Variants in GTF3C1 observed in about 807,000 individuals in gnomAD.
The protein encoded by GTF3C1 is general transcription factor IIIC subunit 1.
In GTF3C1, 57 loss-of-function variants were observed where a neutral mutation model predicts 226.7. The ratio of observed to expected loss-of-function variants is 0.25; its 90% confidence interval spans 0.20 to 0.31. The LOEUF (loss-of-function observed/expected upper bound fraction) is 0.31. GTF3C1 is among the 10% of genes least tolerant of loss of function. GTF3C1 has a pLI of 1.00. For missense variants in GTF3C1, 2,217 were observed against 2,776.1 expected (o/e 0.80, Z 4.53); for synonymous variants, 1,090 against 1,084.8 (o/e 1.00, Z -0.09).
intron 29 of GTF3C1, among the ~76,000 whole-genome samples, chr16:27,473,220 T>C (rs1489005434): frequency 6.6e-6 from 1 of 152,226 alleles, no homozygotes; most frequent in Non-Finnish European, 1.5e-5. Context: ...ACTCTTGCTG[T>C]TGCCACCCCA....
At position 27,484,194 on chromosome 16, in the gene GTF3C1, G is replaced by A; in HGVS notation, c.4001+17C>T. On this transcript the variant is annotated intron_variant, in intron 25 of 36. Coordinates refer to ENST00000356183, the MANE Select transcript of GTF3C1 (RefSeq NM_001520.4). ...CGTAACCGTGTCCCGGAGTGACGGG[G>A]CTTCAATGAGGCTTACTTATAGTTG... 1 of 1,574,260 alleles carries A rather than the reference G, an allele frequency of 6.4e-7. No homozygotes were observed. The highest frequency in any genetic ancestry group is 1.7e-5 in the Admixed American group (1 of 59,892).
chr16:27,546,094 G>A (rs557229736), intron 1 of GTF3C1, among the ~76,000 whole-genome samples: 3 of 152,210 alleles, frequency 2.0e-5, no homozygotes, highest in East Asian at 3.9e-4. Context: ...TGATCCACCC[G>A]CCTCAGCTTC....
intron 9 of GTF3C1, among the ~76,000 whole-genome samples, 181 bp downstream of exon 9, chr16:27,506,666 G>A (rs1364765948): frequency 6.6e-6 from 1 of 152,176 alleles, no homozygotes; most frequent in Admixed American, 6.5e-5. Context: ...AAGCAGCCAG[G>A]AGATACCACA....
At chr16:27,546,486 G>GA (rs11406778) in intron 1 of GTF3C1, among the ~76,000 whole-genome samples, 64,305 of 112,266 alleles carry the variant, frequency 0.57, 17,026 homozygotes, top group Non-Finnish European at 0.59. Flanking sequence ...TTTTTTTTTT[G>GA]AAAAAAAAAA....
intron 11 of GTF3C1, among the ~76,000 whole-genome samples, chr16:27,501,584 G>C (rs944602205): frequency 6.6e-6 from 1 of 152,166 alleles, no homozygotes; most frequent in African/African-American, 2.4e-5. Context: ...GCCTTTCACC[G>C]GCAACTCAAG....
chr16:27,503,160 C>A (rs1322246170), intron 10 of GTF3C1, among the ~76,000 whole-genome samples, 165 bp from the exon 11 acceptor site: 1 of 152,188 alleles, frequency 6.6e-6, no homozygotes, highest in Admixed American at 6.5e-5. Flanking sequence ...CACTACTCTA[C>A]CATCTCAATG....
chr16:27,501,041 C>T (rs2088397240), intron 12 of GTF3C1, 150 bp downstream of exon 12: 2 of 652,050 alleles, frequency 3.1e-6, no homozygotes, highest in African/African-American at 1.8e-5. Flanking sequence ...TTCCAGCTAA[C>T]CCATATTCCC....
intron 6 of GTF3C1, among the ~76,000 whole-genome samples, chr16:27,512,598 T>G (rs1270029871): frequency 6.6e-6 from 1 of 152,212 alleles, no homozygotes; most frequent in Non-Finnish European, 1.5e-5. Flanking sequence ...TCACTTTCTG[T>G]GGACTAGTGT....
chr16:27,500,766 G>A (rs1288455882), intron 12 of GTF3C1, among the ~76,000 whole-genome samples: 4 of 152,196 alleles, frequency 2.6e-5, no homozygotes, highest in Admixed American at 6.5e-5. Flanking sequence ...TGCTCCCATC[G>A]GATAACCCGG....
intron 1 of GTF3C1, among the ~76,000 whole-genome samples, 179 bp downstream of exon 1, chr16:27,549,491 T>A (rs1291486517): frequency 6.6e-6 from 1 of 151,380 alleles, no homozygotes; most frequent in Non-Finnish European, 1.5e-5. Context: ...TCCATCGGAC[T>A]CCAGGGCCCT....
At chr16:27,533,446 T>C (rs1243184681) in intron 4 of GTF3C1, 59 bp from the exon 5 acceptor site, 4 of 846,194 alleles carry the variant, frequency 4.7e-6, no homozygotes, top group Non-Finnish European at 8.2e-6. Context: ...CAATATTTAC[T>C]GCCTGTTTCT....
rs1321399233 is a variant in GTF3C1 at position 27,538,401 on chromosome 16, T to C, written c.432-45A>G. ...GCATGAAGAAATAAGTTTAACTGAT[T>C]TTAGGAAAACTGAGATAAGAAAAAG... On this transcript the variant is annotated intron_variant, in intron 2 of 36. Coordinates refer to ENST00000356183, the MANE Select transcript of GTF3C1 (RefSeq NM_001520.4). 5.8e-6 allele frequency: 7 copies of C among 1,217,134 alleles called. No individual in the cohort carries two copies. In the East Asian group the frequency reaches 1.0e-4, roughly 18 times the overall value. 75.4% of individuals were successfully genotyped at this position (1,217,134 alleles called of 1,614,324 possible).
rs751419100 is a variant in GTF3C1 at position 27,493,283 on chromosome 16, T to C, written c.2792A>G (p.Glu931Gly). The C allele has an allele frequency of 2.5e-6, 4 of 1,595,412 alleles. No homozygotes were observed. In the South Asian group the frequency reaches 3.3e-5, roughly 13 times the overall value. ...CTTCAGCGGGTCGTTCAGAAATTCC[T>C]CCAGGTTGTCCACCTGAAGAGGTGA... ...VQVSYKVDNL[E>G]EFLNDPLKKH... Residue 931 changes from glutamate to glycine, a missense_variant, in exon 17 of 37, where the codon GAG (glutamate) becomes GGG (glycine). By Grantham distance (98) the Glu-to-Gly change is moderately conservative (BLOSUM62 -2). Around this residue, in one of 12 missense-constraint regions of GTF3C1, gnomAD observed 353 missense variants for 411.7 expected, o/e 0.86. Transcript: ENST00000356183.
intron 6 of GTF3C1, among the ~76,000 whole-genome samples, chr16:27,521,651 TA>T (rs1474897960): frequency 6.6e-6 from 1 of 152,278 alleles, no homozygotes; most frequent in Non-Finnish European, 1.5e-5. Context: ...TTGGGGCTCT[TA>T]CCCCTGTTTT....
At chr16:27,525,172 G>T (rs1284865893) in intron 6 of GTF3C1, among the ~76,000 whole-genome samples, 1 of 145,822 alleles carries the variant, frequency 6.9e-6, no homozygotes, top group South Asian at 2.1e-4. Flanking sequence ...AGAAAGAAAA[G>T]AAAAGAAAGA....
rs754201375 is a variant in GTF3C1, at chr16:27,495,287, G to A, written c.2556C>T (p.Ala852=). ...TGCCTTTAGATGGGGCTTCAGAGCAGGCCTCCCAGGCACTTCCAGAGGAGG... is the reference window on the plus strand; with the variant it reads ...TGCCTTTAGATGGGGCTTCAGAGCAAGCCTCCCAGGCACTTCCAGAGGAGG... ...RPSSSGSAWE[A]CSEAPSKGSQ... The change falls in exon 15 of 37, where the codon GCC becomes GCT. Residue 852 remains alanine (A), a synonymous_variant. Transcript: ENST00000356183. The A allele has an allele frequency of 2.4e-5, 38 of 1,613,378 alleles. 1 individual carries two copies. The South Asian group carries it at 4.1e-4, about 17-fold the overall frequency.
In GTF3C1 at chr16:27,470,544, G is replaced by C; in HGVS notation, c.4527-149C>G. 1.5e-6 allele frequency: 1 copy of C among 659,052 alleles called. No individual in the cohort carries two copies. The highest frequency in any genetic ancestry group is 2.6e-6 in the Non-Finnish European group (1 of 379,686). The allele number at this position is 659,052 out of a possible 1,614,324, so 40.8% of individuals were successfully genotyped here. A position where few individuals can be genotyped will look rare whatever the true frequency, so the allele number is the denominator to read the frequency against. The stretch of plus-strand genomic sequence containing the variant: ...TAAAGCTCTCTGTCCCATCCCAGAT[G>C]AAGGTGCTGCATTCCCACCTAGCGG... On this transcript the variant is annotated intron_variant, in intron 30 of 36. Transcript: ENST00000356183. The surrounding 1 kb of genome is among the most constrained non-coding windows in gnomAD (Gnocchi z 4.9).
At chr16:27,530,721 T>C (rs1427806674) in intron 5 of GTF3C1, among the ~76,000 whole-genome samples, 1 of 152,228 alleles carries the variant, frequency 6.6e-6, no homozygotes, top group East Asian at 1.9e-4. Context: ...TCTGACCTAT[T>C]TATTCAACTC....
intron 4 of GTF3C1, among the ~76,000 whole-genome samples, chr16:27,535,227 C>T (rs1170682255): frequency 6.6e-6 from 1 of 152,184 alleles, no homozygotes; most frequent in Non-Finnish European, 1.5e-5. Context: ...TTCGTAGCCA[C>T]CTCCTGTTGC....
Sources: allele counts gnomAD v4.1 joint callset (sites outside exome capture counted in the v4.1 genomes callset), GRCh38; gene constraint gnomAD v4.1.1; regional missense constraint gnomAD v4.1.1; non-coding constraint Gnocchi (gnomAD v3.1); transcripts MANE v1.5; gene names NCBI Gene and HGNC (gene_info 2026-07-23, HGNC 2026-07-21).